The following PDZRN4 variants were observed in gnomAD, a reference collection of about 807,000 sequenced individuals.
PDZRN4 encodes the protein PDZ domain containing ring finger 4, also known as PDZ domain-containing RING finger protein 4.
PDZRN4 carries 70 observed loss-of-function variants against 99.0 expected under a neutral mutation model. The ratio of observed to expected loss-of-function variants is 0.71; its 90% CI spans 0.58 to 0.86. The LOEUF (loss-of-function observed/expected upper bound fraction) is 0.86. PDZRN4 is among the 40% of genes least tolerant of loss of function. The pLI, the probability that PDZRN4 is intolerant of heterozygous loss-of-function variation, is 0.00. For synonymous variants in PDZRN4, 551 were observed against 501.6 expected (o/e 1.10, Z -1.32); for missense variants, 1,474 against 1,331.2 (o/e 1.11, Z -1.67).
chr12:41,548,072 T>C (rs995651163), intron 5 of PDZRN4, among the ~76,000 whole-genome samples: 37 of 152,256 alleles, frequency 2.4e-4, no homozygotes, highest in African/African-American at 7.7e-4. Flanking sequence ...CTTTAGCTTT[T>C]ACCCTTATGT....
At chr12:41,246,065 AT>A (rs1381803164) in intron 3 of PDZRN4, among the ~76,000 whole-genome samples, 1 of 150,292 alleles carries the variant, frequency 6.7e-6, no homozygotes, top group Admixed American at 6.6e-5. Context: ...TAGCATGCAG[AT>A]TGAGGAGCTT....
chr12:41,521,376 A>C (rs1028477466), intron 5 of PDZRN4, among the ~76,000 whole-genome samples: 1 of 152,130 alleles, frequency 6.6e-6, no homozygotes, highest in Non-Finnish European at 1.5e-5. Context: ...GTTACCAAAT[A>C]GGAATTTGCT....
chr12:41,482,517 A>C (rs1592078758), intron 3 of PDZRN4, among the ~76,000 whole-genome samples: 1 of 152,136 alleles, frequency 6.6e-6, no homozygotes, highest in Non-Finnish European at 1.5e-5. Context: ...AAGTGGCAGG[A>C]TCCATATCAG....
chr12:41,227,670 TAACAAC>T, intron 3 of PDZRN4, among the ~76,000 whole-genome samples: 1 of 151,768 alleles, frequency 6.6e-6, no homozygotes, highest in Non-Finnish European at 1.5e-5. Flanking sequence ...CTCTCAACAA[TAACAAC>T]AACAACAACA....
chr12:41,543,553 C>T (rs997428539), intron 5 of PDZRN4, among the ~76,000 whole-genome samples: 1 of 152,158 alleles, frequency 6.6e-6, no homozygotes, highest in African/African-American at 2.4e-5. Flanking sequence ...TATTGGCTCT[C>T]CTTGCTAAAA....
intron 3 of PDZRN4, among the ~76,000 whole-genome samples, chr12:41,328,780 C>T (rs1160357347): frequency 6.6e-6 from 1 of 152,062 alleles, no homozygotes. Context: ...ACAAACAAGT[C>T]TTACCAGACT....
intron 8 of PDZRN4, among the ~76,000 whole-genome samples, chr12:41,565,653 G>A (rs1192020583): frequency 1.3e-5 from 2 of 151,726 alleles, no homozygotes; most frequent in Admixed American, 6.6e-5. Flanking sequence ...AGTTGCTGGG[G>A]GCAGTATTGT....
At chr12:41,413,532 T>C (rs1049983838) in intron 3 of PDZRN4, among the ~76,000 whole-genome samples, 2 of 152,150 alleles carry the variant, frequency 1.3e-5, no homozygotes, top group Admixed American at 6.6e-5. Flanking sequence ...ATGTTCCCCA[T>C]ACAAAGAAAT....
chr12:41,343,652 G>T (rs1951832986), intron 3 of PDZRN4, among the ~76,000 whole-genome samples: 2 of 151,920 alleles, frequency 1.3e-5, no homozygotes, highest in Admixed American at 1.3e-4. Flanking sequence ...GGAGGAATAA[G>T]TTCTGGTGTT....
intron 3 of PDZRN4, among the ~76,000 whole-genome samples, chr12:41,375,571 C>T (rs901892335): frequency 5.9e-5 from 9 of 152,104 alleles, no homozygotes; most frequent in African/African-American, 2.2e-4. Flanking sequence ...GAGAAGTTAA[C>T]AAACATTCTT....
chr12:41,567,963 C>A, intron 9 of PDZRN4, 64 bp downstream of exon 9: 4 of 931,422 alleles, frequency 4.3e-6, no homozygotes, highest in Non-Finnish European at 4.9e-6. Context: ...AATGTGTAAC[C>A]ATAAATGAAG....
chr12:41,426,008 TA>T (rs1447147626), intron 3 of PDZRN4, among the ~76,000 whole-genome samples: 1 of 152,206 alleles, frequency 6.6e-6, no homozygotes, highest in African/African-American at 2.4e-5. Context: ...GTAGTGATGA[TA>T]AAGCACTTAG....
intron 3 of PDZRN4, among the ~76,000 whole-genome samples, chr12:41,423,989 A>G (rs957334052): frequency 1.3e-5 from 2 of 152,166 alleles, no homozygotes; most frequent in African/African-American, 4.8e-5. Context: ...TGACTGTTGT[A>G]TTCCAAAGCT....
At chr12:41,276,372 T>C (rs1951349866) in intron 3 of PDZRN4, among the ~76,000 whole-genome samples, 1 of 152,110 alleles carries the variant, frequency 6.6e-6, no homozygotes, top group Admixed American at 6.6e-5. Context: ...TTTTAGTATA[T>C]TATAGTTATT....
intron 3 of PDZRN4, among the ~76,000 whole-genome samples, chr12:41,257,064 A>T (rs1267303624): frequency 6.6e-6 from 1 of 152,148 alleles, no homozygotes; most frequent in Non-Finnish European, 1.5e-5. Flanking sequence ...TGCATCATCT[A>T]CTTATACTCA....
chr12:41,565,361 A>C (rs559310432), intron 8 of PDZRN4, among the ~76,000 whole-genome samples: 1 of 152,174 alleles, frequency 6.6e-6, no homozygotes, highest in East Asian at 1.9e-4. Context: ...AGATTTCCAG[A>C]GAAATCAGGA....
chr12:41,271,152 T>G (rs1951312039), intron 3 of PDZRN4, among the ~76,000 whole-genome samples: 1 of 152,100 alleles, frequency 6.6e-6, no homozygotes, highest in South Asian at 2.1e-4. Context: ...AATATAGCTA[T>G]TATTTTTTCT....
intron 3 of PDZRN4, among the ~76,000 whole-genome samples, chr12:41,422,421 G>T (rs950107338): frequency 6.6e-6 from 1 of 152,050 alleles, no homozygotes; most frequent in Non-Finnish European, 1.5e-5. Flanking sequence ...CACTAGAAAT[G>T]GATATGTCCA....
intron 7 of PDZRN4, among the ~76,000 whole-genome samples, chr12:41,560,371 C>T (rs1939249226): frequency 6.6e-6 from 1 of 152,120 alleles, no homozygotes; most frequent in South Asian, 2.1e-4. Context: ...ACATACAAAA[C>T]ACACTCATAC....
Sources: gnomAD v4.1 joint callset for allele counts (sites outside exome capture counted in the v4.1 genomes callset) on GRCh38, gnomAD v4.1.1 for gene constraint, MANE v1.5 for transcripts, NCBI Gene and HGNC (gene_info 2026-07-23, HGNC 2026-07-21) for gene names.